Variants in FER1L6 observed in about 807,000 individuals in gnomAD.
FER1L6 encodes the protein fer-1 like family member 6, also known as fer-1-like protein 6.
FER1L6 carries 177 observed loss-of-function variants against 219.2 expected under a neutral mutation model. The observed-to-expected ratio is 0.81, with a 90% CI of 0.71 to 0.91. FER1L6 has a LOEUF of 0.91. Ranked by LOEUF, FER1L6 falls within the 40% of genes least tolerant of loss-of-function variation. FER1L6 has a pLI of 0.00. For synonymous variants in FER1L6, 768 were observed against 824.3 expected (o/e 0.93, Z 1.17); for missense variants, 2,153 against 2,259.9 (o/e 0.95, Z 0.96).
At chr8:124,075,230 C>T (rs528250465) in intron 31 of FER1L6, among the ~76,000 whole-genome samples, 10 of 152,334 alleles carry the variant, frequency 6.6e-5, no homozygotes, top group African/African-American at 1.2e-4. Context: ...AACACAAACA[C>T]GTTGTTCAGC....
intron 30 of FER1L6, 23 bp from the exon 31 acceptor site, chr8:124,071,483 T>G (rs111569697): frequency 6.2e-7 from 1 of 1,613,564 alleles, no homozygotes; most frequent in Non-Finnish European, 8.5e-7. Flanking sequence ...CTCATTTCAA[T>G]GGGTTGCGTT....
At chr8:124,011,601 T>C (rs1398234005) in intron 14 of FER1L6, among the ~76,000 whole-genome samples, 1 of 150,698 alleles carries the variant, frequency 6.6e-6, no homozygotes, top group African/African-American at 2.4e-5. Context: ...CACCTCAGCA[T>C]CCCAAGAAGT....
chr8:123,935,545 A>G lies in FER1L6; in HGVS notation c.-7-20447A>G, dbSNP rs532009226. Reference sequence around the variant, plus strand: ...AGCAGGTTTTTGACTAGCCTTATCCATCACTGAAGTGCCTAGAAATGTATC... The same window carrying G: ...AGCAGGTTTTTGACTAGCCTTATCCGTCACTGAAGTGCCTAGAAATGTATC... On this transcript the variant is annotated intron_variant, in intron 1 of 40. Coordinates refer to ENST00000522917, the MANE Select transcript of FER1L6 (RefSeq NM_001039112.2). Among the ~76,000 whole-genome samples the G allele has an allele frequency of 2.0e-5, 3 of 152,314 alleles. No individual in the cohort carries two copies. The East Asian group carries it at 5.8e-4, about 29-fold the overall frequency.
chr8:123,990,625 T>TTGTTTGAGTTCCTGGTATTCTGGATA (rs1816813571), intron 12 of FER1L6, among the ~76,000 whole-genome samples: 2 of 152,224 alleles, frequency 1.3e-5, no homozygotes, highest in Admixed American at 6.5e-5. Context: ...TATTAGTCCT[T>TTGTTTGAGTTCCTGGTATTCTGGATA]TGTTGGATGC....
intron 13 of FER1L6, among the ~76,000 whole-genome samples, chr8:124,005,690 A>G (rs1817625793): frequency 6.6e-6 from 1 of 152,200 alleles, no homozygotes; most frequent in Non-Finnish European, 1.5e-5. Context: ...AGATGCTCAT[A>G]AGTGTTTTTG....
chr8:123,975,441 CTA>C, intron 8 of FER1L6, 135 bp downstream of exon 8: 2 of 758,832 alleles, frequency 2.6e-6, no homozygotes, highest in Non-Finnish European at 4.2e-6. Context: ...GCATTCTGCT[CTA>C]TCAGACACCA....
chr8:124,109,937 A>T (rs540544323), intron 39 of FER1L6, among the ~76,000 whole-genome samples: 1 of 152,292 alleles, frequency 6.6e-6, no homozygotes, highest in African/African-American at 2.4e-5. Flanking sequence ...CAGTGGTCAG[A>T]CCACACGTGA....
Position 124,045,953 on chromosome 8 carries a change from T to C in FER1L6, c.2724+52T>C, listed in dbSNP as rs181255413. 5.6e-6 allele frequency: 9 copies of C among 1,597,456 alleles called. No homozygotes were observed. The East Asian group carries it at 6.7e-5, about 12-fold the overall frequency. On this transcript the variant is annotated intron_variant, in intron 21 of 40. Coordinates refer to ENST00000522917, the MANE Select transcript of FER1L6 (RefSeq NM_001039112.2). ...ACCACACCTCATAAAAAATGCCACG[T>C]TGAACTCACTCACTTTATTTTAAAG...
chr8:123,953,215 GACTC>G (rs1166543338), intron 1 of FER1L6, among the ~76,000 whole-genome samples: 1 of 152,120 alleles, frequency 6.6e-6, no homozygotes, highest in Non-Finnish European at 1.5e-5. Flanking sequence ...CTTGATGACT[GACTC>G]ACAGTTTCAG....
chr8:123,979,436 G>A (rs1816228315), intron 10 of FER1L6, among the ~76,000 whole-genome samples: 1 of 152,088 alleles, frequency 6.6e-6, no homozygotes, highest in Admixed American at 6.6e-5. Context: ...GAAACATGGG[G>A]AAGTTTAAAA....
At chr8:123,927,939 T>C (rs1284611362) in intron 1 of FER1L6, among the ~76,000 whole-genome samples, 1 of 152,196 alleles carries the variant, frequency 6.6e-6, no homozygotes, top group African/African-American at 2.4e-5. Flanking sequence ...CAGAAATGGA[T>C]GCAATGTGCA....
intron 1 of FER1L6, among the ~76,000 whole-genome samples, chr8:123,947,271 G>A (rs1263857913): frequency 6.6e-6 from 1 of 151,678 alleles, no homozygotes; most frequent in Non-Finnish European, 1.5e-5. Flanking sequence ...TGATGATGAA[G>A]AGAAAGAAAA....
In FER1L6 at chr8:124,061,956, C is replaced by T. The variant is rs547226140; in HGVS notation, c.3252C>T (p.Tyr1084=). The T allele has an allele frequency of 1.1e-5, 17 of 1,614,214 alleles. No individual in the cohort carries two copies. In the Admixed American group the frequency reaches 1.5e-4, roughly 14 times the overall value. The stretch of plus-strand genomic sequence containing the variant: ...TTGTGGGCACCTACACCATCAACTA[C>T]TTGAAGCAGTTTTTGTGTAAACTCA... ...STLVGTYTIN[Y]LKQFLCKLRE... The change falls in exon 25 of 41, where the codon TAC becomes TAT. Residue 1084 remains tyrosine (Y), a synonymous_variant. Coordinates refer to ENST00000522917, the MANE Select transcript of FER1L6 (RefSeq NM_001039112.2).
chr8:124,108,423 C>T (rs1822868746), intron 39 of FER1L6, among the ~76,000 whole-genome samples: 1 of 152,184 alleles, frequency 6.6e-6, no homozygotes, highest in African/African-American at 2.4e-5. Flanking sequence ...CAATAAATGT[C>T]AGATTTTCGC....
intron 1 of FER1L6, among the ~76,000 whole-genome samples, chr8:123,918,251 G>A (rs890133688): frequency 3.1e-4 from 47 of 151,632 alleles, no homozygotes; most frequent in African/African-American, 1.0e-3. Context: ...GGAGGTTGCA[G>A]GGAACTGAGA....
rs186898566 is a variant in FER1L6 at position 124,005,472 on chromosome 8, T to C, written c.1700+2125T>C. On this transcript the variant is annotated intron_variant, in intron 13 of 40. Coordinates refer to ENST00000522917, the MANE Select transcript of FER1L6 (RefSeq NM_001039112.2). ...TCCTTACGCCTGGCAATAATCTCCC[T>C]CCTCAGAACTGCTAGGTTCAAGACA... is the stretch of plus-strand genomic sequence containing the variant. 6.2e-4 allele frequency among the ~76,000 whole-genome samples: 95 copies of C among 152,294 alleles called. 1 individual carries two copies. The highest frequency in any genetic ancestry group is 2.4e-4 in the Non-Finnish European group (16 of 68,032).
At chr8:123,898,760 C>CTGTGTATATATAGT (rs1586448716) in intron 1 of FER1L6, among the ~76,000 whole-genome samples, 1 of 103,222 alleles carries the variant, frequency 9.7e-6, no homozygotes, top group Non-Finnish European at 2.2e-5. Context: ...TATATATACA[C>CTGTGTATATATAGT]ATATATATGT....
chr8:123,887,806 A>G (rs970566038), intron 1 of FER1L6, among the ~76,000 whole-genome samples: 20 of 152,296 alleles, frequency 1.3e-4, no homozygotes, highest in Admixed American at 9.2e-4. Context: ...CAAGCATGTT[A>G]TAGATGGTCT....
rs1179563876 is a variant in FER1L6 at position 123,966,039 on chromosome 8, A to C, written c.230A>C (p.Glu77Ala). ...SKLLTKIHDG[E>A]VRSQNYQIAI... ...CTGTTGACTAAGATCCATGATGGGG[A>C]GGTCAGATCCCAAAATTATCAAGTA... Residue 77 changes from glutamate to alanine, a missense_variant, in exon 4 of 41, where the codon GAG (glutamate) becomes GCG (alanine). Glu to Ala is a moderately radical substitution (Grantham distance 107, BLOSUM62 -1). Coordinates refer to ENST00000522917, the MANE Select transcript of FER1L6 (RefSeq NM_001039112.2). The C allele has an allele frequency of 1.9e-6, 3 of 1,613,674 alleles. 1 individual carries two copies. In the South Asian group the frequency reaches 3.3e-5, roughly 18 times the overall value.
Sources: allele counts gnomAD v4.1 joint callset (sites outside exome capture counted in the v4.1 genomes callset), GRCh38; gene constraint gnomAD v4.1.1; transcripts MANE v1.5; gene names NCBI Gene and HGNC (gene_info 2026-07-23, HGNC 2026-07-21).